The following ZNF462 variants were observed in gnomAD, a reference collection of about 807,000 sequenced individuals.
ZNF462 encodes the protein zinc finger protein 462.
ZNF462 carries 10 observed loss-of-function variants against 201.9 expected under a neutral mutation model. That is an observed-to-expected ratio of 0.05 (90% confidence interval 0.03 to 0.08). The LOEUF is 0.08. ZNF462 is among the 10% of genes least tolerant of loss of function. The pLI, the probability that ZNF462 is intolerant of heterozygous loss-of-function variation, is 1.00. For synonymous variants in ZNF462, 1,227 were observed against 1,193.3 expected (o/e 1.03, Z -0.58); for missense variants, 2,523 against 3,168.3 (o/e 0.80, Z 4.89).
chr9:106,888,579 A>G (rs1032659297), intron 1 of ZNF462, among the ~76,000 whole-genome samples: 2 of 147,100 alleles, frequency 1.4e-5, no homozygotes, highest in African/African-American at 5.0e-5. Context: ...TTTGGAAAAC[A>G]TAACTGGGGC....
At chr9:106,987,510 G>C (rs1827944444) in intron 10 of ZNF462, among the ~76,000 whole-genome samples, 3 of 151,932 alleles carry the variant, frequency 2.0e-5, no homozygotes, top group Non-Finnish European at 4.4e-5. Context: ...TTTTTCATGA[G>C]ATTGTTTTTT....
Position 106,977,176 on chromosome 9 carries a change from G to A in ZNF462, c.6832+2903G>A, listed in dbSNP as rs149547147. The stretch of plus-strand genomic sequence containing the variant: ...CAAAATGGCAGCTCAGTAGGAAGCT[G>A]ACCTTGACAAGTCGAGAGACAGAGC... On this transcript the variant is annotated intron_variant, in intron 9 of 12. Transcript: ENST00000277225. This position sits in a 1 kb window ranked among gnomAD's most constrained non-coding sequence, Gnocchi z 4.6. Among the ~76,000 whole-genome samples the A allele has an allele frequency of 1.3e-3, 202 of 152,274 alleles. No individual in the cohort carries two copies. Among genetic ancestry groups the A allele is most frequent in the African/African-American group, 4.8e-3 (198 of 41,560 alleles).
At chr9:106,875,729 G>T (rs1016837066) in intron 1 of ZNF462, among the ~76,000 whole-genome samples, 3 of 152,146 alleles carry the variant, frequency 2.0e-5, no homozygotes, top group Non-Finnish European at 2.9e-5. Flanking sequence ...TACAGTGTGG[G>T]TATGTCAGTG....
At chr9:106,922,212 C>T (rs774813916) in intron 1 of ZNF462, among the ~76,000 whole-genome samples, 5 of 152,162 alleles carry the variant, frequency 3.3e-5, no homozygotes, top group Non-Finnish European at 7.3e-5. Flanking sequence ...ATTACAGTGA[C>T]TCAGTAGAGT....
At position 106,972,165 on chromosome 9, in the gene ZNF462, T is replaced by C; in HGVS notation, c.6588T>C (p.Cys2196=). Residue 2196 remains cysteine, a synonymous_variant, in exon 8 of 13, where the codon TGT becomes TGC. Transcript: ENST00000277225. The surrounding 1 kb of genome is among the most constrained non-coding windows in gnomAD (Gnocchi z 4.8). ...AAGCCGTGCTTCACTGCGAATTCTG[T>C]GAATTCTCCTCCGGCTACATCCAGA... ...KTEAVLHCEF[C]EFSSGYIQSI... The C allele has an allele frequency of 6.2e-7, 1 of 1,614,220 alleles. No homozygotes were observed. Among genetic ancestry groups the C allele is most frequent in the Non-Finnish European group, 8.5e-7 (1 of 1,180,034 alleles).
chr9:106,949,010 C>T (rs530089695), intron 7 of ZNF462, among the ~76,000 whole-genome samples: 1 of 152,252 alleles, frequency 6.6e-6, no homozygotes, highest in East Asian at 1.9e-4. Context: ...CCACTACTTA[C>T]TTGAGACTTA....
In ZNF462 at chr9:106,972,295, A is replaced by T; in HGVS notation, c.6695+23A>T. On this transcript the variant is annotated intron_variant, in intron 8 of 12. Coordinates refer to ENST00000277225, the MANE Select transcript of ZNF462 (RefSeq NM_021224.6). This position sits in a 1 kb window ranked among gnomAD's most constrained non-coding sequence, Gnocchi z 4.8. ...TAAGTAAGTGACGTAATGAACAGCT[A>T]TGGAAAACAAGGCGGCCGCCCCTGC... is the stretch of plus-strand genomic sequence containing the variant. 6.2e-7 allele frequency: 1 copy of T among 1,604,550 alleles called. No individual in the cohort carries two copies. The highest frequency in any genetic ancestry group is 8.5e-7 in the Non-Finnish European group (1 of 1,174,090).
At chr9:106,888,018 T>C (rs1461066628) in intron 1 of ZNF462, among the ~76,000 whole-genome samples, 2 of 151,752 alleles carry the variant, frequency 1.3e-5, no homozygotes, top group Non-Finnish European at 2.9e-5. Flanking sequence ...GCTAGGTACA[T>C]GATAGCTGTT....
chr9:106,935,665 G>A lies in ZNF462; in HGVS notation c.6235+44G>A. 1 of 1,501,488 alleles carries A rather than the reference G, an allele frequency of 6.7e-7. No individual in the cohort carries two copies. Among genetic ancestry groups the A allele is most frequent in the Non-Finnish European group, 9.3e-7 (1 of 1,079,036 alleles). 93.0% of individuals were successfully genotyped at this position (1,501,488 alleles called of 1,614,324 possible). On this transcript the variant is annotated intron_variant, in intron 6 of 12. Coordinates refer to ENST00000277225, the MANE Select transcript of ZNF462 (RefSeq NM_021224.6). This position sits in a 1 kb window ranked among gnomAD's most constrained non-coding sequence, Gnocchi z 4.1. ...ATGCACAAGTTCTTTAGCACTCTCT[G>A]AGTTTGAAACCTGATGATCTTTATT...
intron 1 of ZNF462, among the ~76,000 whole-genome samples, chr9:106,914,008 G>T (rs1285889968): frequency 1.4e-5 from 2 of 145,446 alleles, no homozygotes; most frequent in Admixed American, 7.0e-5. Flanking sequence ...AGACAGACCA[G>T]TCACATGCCT....
chr9:106,969,214 C>G (rs1218274485), intron 7 of ZNF462, among the ~76,000 whole-genome samples: 1 of 152,100 alleles, frequency 6.6e-6, no homozygotes, highest in Non-Finnish European at 1.5e-5. Context: ...ACCTGTCCAT[C>G]TGATTTTAAC....
chr9:107,007,379 G>T (rs1829621108), intron 11 of ZNF462, among the ~76,000 whole-genome samples: 1 of 152,150 alleles, frequency 6.6e-6, no homozygotes, highest in African/African-American at 2.4e-5. Flanking sequence ...CATTACACTG[G>T]AGTGGTTTGG....
At chr9:106,979,644 A>G (rs1827271184) in intron 9 of ZNF462, 1 of 151,176 alleles carries the variant, frequency 6.6e-6, no homozygotes, top group Non-Finnish European at 1.5e-5. Flanking sequence ...GCACTGAAGG[A>G]ATTTGAACTT....
rs74833191 is a variant in ZNF462 at position 106,905,830 on chromosome 9, C to T, written c.-30-17524C>T. On this transcript the variant is annotated intron_variant, in intron 1 of 12. Coordinates refer to ENST00000277225, the MANE Select transcript of ZNF462 (RefSeq NM_021224.6). This position sits in a 1 kb window ranked among gnomAD's most constrained non-coding sequence, Gnocchi z 5.9. ...TCTGAGGCTACGCACCTCCCAGCTG[C>T]GAGAAAAAAGAGTTTTAGTTCTTCC... Among the ~76,000 whole-genome samples the T allele has an allele frequency of 1.5e-3, 230 of 152,208 alleles. 1 individual carries two copies. The East Asian group carries it at 0.016, about 11-fold the overall frequency.
intron 10 of ZNF462, among the ~76,000 whole-genome samples, chr9:106,987,206 AGTT>A (rs2132321772): frequency 1.3e-5 from 2 of 152,332 alleles, no homozygotes; most frequent in South Asian, 4.1e-4. Context: ...ATCAAATGGC[AGTT>A]CTACTTTTAG....
At position 106,926,982 on chromosome 9, in the gene ZNF462, G is replaced by A. The variant is rs1830220195; in HGVS notation, c.3070G>A (p.Val1024Ile). 7 of 1,614,154 alleles carry A rather than the reference G, an allele frequency of 4.3e-6. No individual in the cohort carries two copies. The highest frequency in any genetic ancestry group is 1.7e-5 in the Admixed American group (1 of 60,020). Residue 1024 changes from valine (V) to isoleucine (I), a missense_variant, in exon 3 of 13, where the codon GTC (valine) becomes ATC (isoleucine). Physicochemically the swap from Val to Ile is conservative, Grantham distance 29 (BLOSUM62 3). Transcript: ENST00000277225. The surrounding 1 kb of genome is among the most constrained non-coding windows in gnomAD (Gnocchi z 7.9). ...ATGTGAAAATCAGAAGGACCCTTTG[G>A]TCAACACTGTTGTTGTTTATGATTG... ...PECENQKDPL[V>I]NTVVVYDCDV...
At chr9:106,910,485 T>G (rs1564091976) in intron 1 of ZNF462, among the ~76,000 whole-genome samples, 1 of 151,968 alleles carries the variant, frequency 6.6e-6, no homozygotes, top group East Asian at 1.9e-4. Flanking sequence ...CAAGCCTTGC[T>G]TAATTCTGCT....
intron 1 of ZNF462, among the ~76,000 whole-genome samples, chr9:106,892,692 GCA>G (rs897679641): frequency 1.8e-4 from 25 of 139,966 alleles, no homozygotes; most frequent in East Asian, 2.0e-4. Context: ...ACACACACAT[GCA>G]CACACACACG....
At chr9:106,908,862 G>A (rs1829383001) in intron 1 of ZNF462, among the ~76,000 whole-genome samples, 1 of 126,958 alleles carries the variant, frequency 7.9e-6, no homozygotes, top group Non-Finnish European at 1.6e-5. Context: ...GAAATAGTAT[G>A]AGTATTTCTG....
Sources: gnomAD v4.1 joint callset for allele counts (sites outside exome capture counted in the v4.1 genomes callset) on GRCh38, gnomAD v4.1.1 for gene constraint, Gnocchi (gnomAD v3.1) non-coding constraint, MANE v1.5 for transcripts, NCBI Gene and HGNC (gene_info 2026-07-23, HGNC 2026-07-21) for gene names.